The following B3GALT1 variants were observed in gnomAD, a reference collection of about 807,000 sequenced individuals.
The protein encoded by B3GALT1 is beta-1,3-galactosyltransferase 1.
Under a neutral mutation model 23.2 loss-of-function variants are expected in B3GALT1, and 10 were observed. The observed-to-expected ratio is 0.43, with a 90% CI of 0.27 to 0.73. The LOEUF (loss-of-function observed/expected upper bound fraction) is 0.73, where lower values mean the gene tolerates loss of function less well. Ranked by LOEUF, B3GALT1 falls within the 30% of genes least tolerant of loss-of-function variation. The pLI is 0.21. For missense variants in B3GALT1, 299 were observed against 405.4 expected (o/e 0.74, Z 2.25); for synonymous variants, 156 against 141.5 (o/e 1.10, Z -0.73).
At chr2:167,500,635 G>GGA (rs1553522800) in intron 2 of B3GALT1, among the ~76,000 whole-genome samples, 8 of 149,774 alleles carry the variant, frequency 5.3e-5, no homozygotes, top group African/African-American at 2.0e-4. Flanking sequence ...GACTTATAAG[G>GGA]AAAAAAAAAA....
At chr2:167,544,224 A>G (rs1389150906) in intron 2 of B3GALT1, among the ~76,000 whole-genome samples, 1 of 152,194 alleles carries the variant, frequency 6.6e-6, no homozygotes, top group African/African-American at 2.4e-5. Flanking sequence ...ACCGAACTTG[A>G]TCCAACCCCT....
intron 3 of B3GALT1, among the ~76,000 whole-genome samples, chr2:167,722,761 A>G (rs760038718): frequency 6.6e-6 from 1 of 152,230 alleles, no homozygotes; most frequent in Non-Finnish European, 1.5e-5. Flanking sequence ...GACAAAAATC[A>G]GAAGTAGTAA....
At chr2:167,418,817 G>A (rs1033118758) in intron 1 of B3GALT1, among the ~76,000 whole-genome samples, 8 of 152,182 alleles carry the variant, frequency 5.3e-5, no homozygotes, top group South Asian at 4.1e-4. Context: ...GATTACAGGC[G>A]TGAGCCACTG....
intron 3 of B3GALT1, among the ~76,000 whole-genome samples, chr2:167,712,949 C>A (rs141157738): frequency 1.3e-4 from 20 of 152,272 alleles, no homozygotes; most frequent in Non-Finnish European, 2.2e-4. Flanking sequence ...AATACCATGT[C>A]AAGGGGTGAA....
chr2:167,798,552 C>T (rs1688581086), intron 3 of B3GALT1, among the ~76,000 whole-genome samples: 2 of 152,174 alleles, frequency 1.3e-5, no homozygotes, highest in Admixed American at 6.5e-5. Context: ...ATCCTTTCCC[C>T]ATTGCTTGTT....
intron 4 of B3GALT1, among the ~76,000 whole-genome samples, chr2:167,866,172 A>C (rs773088387): frequency 6.6e-6 from 1 of 152,192 alleles, no homozygotes; most frequent in Non-Finnish European, 1.5e-5. Flanking sequence ...CATCTTCCCC[A>C]GGACTCCCTC....
At chr2:167,775,036 C>T (rs553840124) in intron 3 of B3GALT1, among the ~76,000 whole-genome samples, 1 of 152,252 alleles carries the variant, frequency 6.6e-6, no homozygotes, top group South Asian at 2.1e-4. Flanking sequence ...GTACATTTAA[C>T]CCCTTGGAAA....
At chr2:167,849,949 T>C (rs113268759) in intron 4 of B3GALT1, among the ~76,000 whole-genome samples, 1,714 of 145,886 alleles carry the variant, frequency 0.012, 30 homozygotes, top group African/African-American at 0.041. Context: ...ATTCTGAAGA[T>C]AACATTGGAA....
Position 167,347,746 on chromosome 2 carries a change from G to A in B3GALT1, c.-511+54412G>A, listed in dbSNP as rs140398917. ...ATCATTCTTGCTTCAGTAACCATGC[G>A]TTTGTTGCTTTTCCTTATGGAAATT... On this transcript the variant is annotated intron_variant, in intron 1 of 4. Coordinates refer to ENST00000392690, the MANE Select transcript of B3GALT1 (RefSeq NM_020981.4). 4.7e-3 allele frequency among the ~76,000 whole-genome samples: 711 copies of A among 152,060 alleles called. 3 individuals are homozygous for A. The highest frequency in any genetic ancestry group is 0.014 in the African/African-American group (562 of 41,490).
chr2:167,308,838 C>T (rs1031032500), intron 1 of B3GALT1, among the ~76,000 whole-genome samples: 1 of 152,008 alleles, frequency 6.6e-6, no homozygotes, highest in East Asian at 1.9e-4. Context: ...TTCATCTGTA[C>T]GAAATCCTGA....
At chr2:167,744,584 C>T (rs6712542) in intron 3 of B3GALT1, among the ~76,000 whole-genome samples, 3 of 151,860 alleles carry the variant, frequency 2.0e-5, no homozygotes. Context: ...TCTTATAGGC[C>T]TATCTCTTTT....
At chr2:167,310,474 G>A (rs1696619998) in intron 1 of B3GALT1, among the ~76,000 whole-genome samples, 1 of 152,030 alleles carries the variant, frequency 6.6e-6, no homozygotes, top group South Asian at 2.1e-4. Flanking sequence ...CAGAGACCTG[G>A]GTTAAATGAG....
At chr2:167,393,899 C>T (rs1027425688) in intron 1 of B3GALT1, among the ~76,000 whole-genome samples, 18 of 152,144 alleles carry the variant, frequency 1.2e-4, no homozygotes, top group African/African-American at 4.3e-4. Flanking sequence ...TGTCTTTCAT[C>T]ATTATATTTA....
intron 2 of B3GALT1, among the ~76,000 whole-genome samples, chr2:167,557,498 G>C (rs1683875632): frequency 1.3e-5 from 2 of 152,082 alleles, no homozygotes; most frequent in Admixed American, 1.3e-4. Flanking sequence ...ATGATATCTT[G>C]GATTTCAAGA....
intron 3 of B3GALT1, among the ~76,000 whole-genome samples, chr2:167,689,417 G>A (rs1428357203): frequency 6.6e-6 from 1 of 152,138 alleles, no homozygotes; most frequent in South Asian, 2.1e-4. Context: ...ATTACAGGAG[G>A]TTCTCCAAAT....
chr2:167,575,222 CT>C (rs1219348568), intron 2 of B3GALT1, among the ~76,000 whole-genome samples: 1 of 151,674 alleles, frequency 6.6e-6, no homozygotes, highest in African/African-American at 2.4e-5. Context: ...ATTGCTATTG[CT>C]TTTATTCTTT....
chr2:167,474,532 C>G (rs1045548135), intron 1 of B3GALT1, among the ~76,000 whole-genome samples: 3 of 152,110 alleles, frequency 2.0e-5, no homozygotes, highest in South Asian at 2.1e-4. Context: ...GACTAAGCTT[C>G]AGGACCTATC....
chr2:167,660,936 C>T (rs1686050368), intron 3 of B3GALT1, among the ~76,000 whole-genome samples: 1 of 152,058 alleles, frequency 6.6e-6, no homozygotes, highest in Admixed American at 6.6e-5. Flanking sequence ...AACACATTTA[C>T]AAATTTGATA....
At chr2:167,413,312 A>G (rs1698420174) in intron 1 of B3GALT1, among the ~76,000 whole-genome samples, 1 of 152,052 alleles carries the variant, frequency 6.6e-6, no homozygotes, top group African/African-American at 2.4e-5. Context: ...TGTGTACTTA[A>G]ACAGATTGTG....
Sources: allele counts gnomAD v4.1 joint callset (sites outside exome capture counted in the v4.1 genomes callset), GRCh38; gene constraint gnomAD v4.1.1; transcripts MANE v1.5; gene names NCBI Gene and HGNC (gene_info 2026-07-23, HGNC 2026-07-21).